Variants in ASNS observed in about 807,000 individuals in gnomAD.
ASNS encodes the protein asparagine synthetase [glutamine-hydrolyzing].
ASNS carries 37 observed loss-of-function variants against 62.6 expected under a neutral mutation model. The observed-to-expected ratio is 0.59, with a 90% CI of 0.45 to 0.78. The LOEUF (loss-of-function observed/expected upper bound fraction) is 0.78, where lower values mean the gene tolerates loss of function less well. Among genes scored for constraint, ASNS ranks in the 30% least tolerant of loss-of-function variants. The pLI is 0.00. For synonymous variants in ASNS, 207 were observed against 237.9 expected, an observed-to-expected ratio of 0.87 and a Z score of 1.19; for missense variants, 520 against 682.4, an observed-to-expected ratio of 0.76 and a Z score of 2.65.
chr7:97,878,598 A>G, the ASNS span, among the ~76,000 whole-genome samples: 1 of 152,214 alleles, frequency 6.6e-6, no homozygotes. Flanking sequence ...GATGTAAAGG[A>G]CTTCTTCAAG....
chr7:97,926,732 G>A, the ASNS span, among the ~76,000 whole-genome samples: 1 of 152,176 alleles, frequency 6.6e-6, no homozygotes, highest in African/African-American at 2.4e-5. Context: ...GATGGTTTCT[G>A]TTCAGTTCCT....
chr7:97,884,175 T>C, the ASNS span, among the ~76,000 whole-genome samples: 163 of 152,210 alleles, frequency 1.1e-3, no homozygotes, highest in African/African-American at 3.8e-3. Flanking sequence ...CTCCATGACC[T>C]AGCCCCTCTC....
At chr7:97,876,072 G>T (rs182573688), upstream of ASNS, among the ~76,000 whole-genome samples, 76 of 152,180 alleles carry the variant, frequency 5.0e-4, no homozygotes, top group Non-Finnish European at 4.7e-4. Context: ...GGCCTGGTTG[G>T]TCTGGAACTC....
chr7:97,868,914 A>G lies in ASNS; in HGVS notation c.243T>C (p.His81=). The change falls in exon 3 of 13, where the codon CAT becomes CAC. Residue 81 remains histidine (H), a synonymous_variant. Coordinates refer to ENST00000394308, the MANE Select transcript of ASNS (RefSeq NM_001673.5). ...CTGGTTTCTTTCTCCTCACCTTCTT[A>G]TGGTTGTAGATTTCACCATTGTAAC... ...WLCYNGEIYN[H]KKMQQHFEFE... The G allele has an allele frequency of 6.2e-7, 1 of 1,613,868 alleles. No individual in the cohort carries two copies. Among genetic ancestry groups the G allele is most frequent in the Middle Eastern group, 1.6e-4 (1 of 6,062 alleles).
chr7:97,854,763 G>A (rs779250904), intron 9 of ASNS, 83 bp from the exon 10 acceptor site: 3 of 1,590,122 alleles, frequency 1.9e-6, no homozygotes, highest in South Asian at 2.3e-5. Context: ...TCCTAAAGGT[G>A]GATAAGACAA....
the ASNS span, among the ~76,000 whole-genome samples, chr7:97,903,954 G>A: frequency 6.6e-6 from 1 of 152,106 alleles, no homozygotes; most frequent in Non-Finnish European, 1.5e-5. Context: ...AGCTCATTCT[G>A]CAGTAAAAGG....
the ASNS span, among the ~76,000 whole-genome samples, chr7:97,920,871 T>C: frequency 3.9e-5 from 6 of 152,244 alleles, no homozygotes; most frequent in African/African-American, 1.4e-4. Flanking sequence ...GCAGAAACCA[T>C]TCTTTTTTCT....
chr7:97,897,332 G>A, the ASNS span, among the ~76,000 whole-genome samples: 980 of 152,280 alleles, frequency 6.4e-3, 10 homozygotes, highest in African/African-American at 0.023. Context: ...CATCCGGTAC[G>A]TAGTGATGGG....
In ASNS at chr7:97,854,677, G is replaced by A. The variant is rs750258058; in HGVS notation, c.1141C>T (p.Pro381Ser). 1.2e-6 allele frequency: 2 copies of A among 1,614,044 alleles called. No homozygotes were observed. Among genetic ancestry groups the A allele is most frequent in the East Asian group, 2.2e-5 (1 of 44,878 alleles). The change falls in exon 10 of 13, where the codon CCT becomes TCT. Residue 381 changes from proline (P) to serine (S), a missense_variant. Transcript: ENST00000394308. Reference sequence around the variant, plus strand: ...TCCTCCTCGGCTTTTTCAGGAGAAGGAGCCTATTTCACAAACAAAAACACC... The same window carrying A: ...TCCTCCTCGGCTTTTTCAGGAGAAGAAGCCTATTTCACAAACAAAAACACC... Reference protein sequence around the residue: ...TQGYIYFHKAPSPEKAEEESE... With the variant: ...TQGYIYFHKASSPEKAEEESE...
At chr7:97,853,936 A>G (rs1340308979) in intron 10 of ASNS, among the ~76,000 whole-genome samples, 1 of 152,226 alleles carries the variant, frequency 6.6e-6, no homozygotes, top group Admixed American at 6.5e-5. Context: ...GATTCAGTTC[A>G]TTCCTCAAAC....
the ASNS span, among the ~76,000 whole-genome samples, chr7:97,919,680 T>A: frequency 6.6e-6 from 1 of 151,880 alleles, no homozygotes; most frequent in Non-Finnish European, 1.5e-5. Flanking sequence ...AGGAGGATGG[T>A]CTGAGGGATA....
the ASNS span, among the ~76,000 whole-genome samples, chr7:97,890,619 C>T: frequency 1.4e-4 from 22 of 152,168 alleles, no homozygotes; most frequent in Admixed American, 1.3e-3. Context: ...CAGTGGCTCA[C>T]ATCTGCAATT....
chr7:97,916,711 G>T, the ASNS span, among the ~76,000 whole-genome samples: 1 of 152,220 alleles, frequency 6.6e-6, no homozygotes, highest in African/African-American at 2.4e-5. Flanking sequence ...CTGGAAGGGG[G>T]AGGCGGTGAG....
chr7:97,853,401 G>C lies in ASNS; in HGVS notation c.1239-15C>G. 3 of 1,605,430 alleles carry C rather than the reference G, an allele frequency of 1.9e-6. No homozygotes were observed. Among genetic ancestry groups the C allele is most frequent in the Non-Finnish European group, 2.6e-6 (3 of 1,175,192 alleles). ...TCAGTTCAAGACTTAAAGGAGAAAA[G>C]AAGAAAATCTAAATTAAAATGGGTA... On this transcript the variant is annotated splice_polypyrimidine_tract_variant and intron_variant, in intron 10 of 12. Transcript: ENST00000394308.
chr7:97,917,234 A>C, the ASNS span, among the ~76,000 whole-genome samples: 81 of 151,606 alleles, frequency 5.3e-4, no homozygotes, highest in African/African-American at 1.9e-3. Flanking sequence ...AAAAAAAAAA[A>C]AAAAGGTTAA....
the ASNS span, among the ~76,000 whole-genome samples, chr7:97,891,430 T>C: frequency 6.6e-6 from 1 of 152,246 alleles, no homozygotes; most frequent in East Asian, 1.9e-4. Context: ...TCAAAACCAA[T>C]CATGCCTTCC....
the ASNS span, among the ~76,000 whole-genome samples, chr7:97,917,747 C>G: frequency 8.5e-5 from 13 of 152,212 alleles, no homozygotes; most frequent in Non-Finnish European, 1.8e-4. Flanking sequence ...AGGGGTGGCT[C>G]TGGGCTTGGC....
the ASNS span, among the ~76,000 whole-genome samples, chr7:97,909,231 CAG>C: frequency 1.3e-5 from 2 of 150,270 alleles, no homozygotes; most frequent in Admixed American, 1.3e-4. Flanking sequence ...TTTTGTTGTT[CAG>C]TAAATGAAGT....
At chr7:97,905,736 T>C in the ASNS span, among the ~76,000 whole-genome samples, 1 of 152,226 alleles carries the variant, frequency 6.6e-6, no homozygotes, top group Non-Finnish European at 1.5e-5. Context: ...ATTTGAGACC[T>C]GCCTTTATCA....
Sources: allele counts gnomAD v4.1 joint callset (sites outside exome capture counted in the v4.1 genomes callset), GRCh38; gene constraint gnomAD v4.1.1; transcripts MANE v1.5; gene names NCBI Gene and HGNC (gene_info 2026-07-23, HGNC 2026-07-21).